The following SYNE2 variants were observed in gnomAD, a reference collection of about 807,000 sequenced individuals.
The protein encoded by SYNE2 is spectrin repeat containing nuclear envelope protein 2, also known as nesprin-2.
Under a neutral mutation model 856.3 loss-of-function variants are expected in SYNE2, and 431 were observed. The observed-to-expected ratio is 0.50, with a 90% CI of 0.47 to 0.55. The LOEUF (loss-of-function observed/expected upper bound fraction) is 0.55. Among genes scored for constraint, SYNE2 ranks in the 20% least tolerant of loss-of-function variants. The pLI is 0.00. For synonymous variants in SYNE2, 2,923 were observed against 2,872.3 expected (o/e 1.02, Z -0.56); for missense variants, 8,129 against 8,023.2 (o/e 1.01, Z -0.50).
rs371364597 is a variant in SYNE2 at position 64,036,558 on chromosome 14, G to A, written c.7221+5201G>A. Among the ~76,000 whole-genome samples the A allele has an allele frequency of 1.6e-4, 24 of 152,168 alleles. No homozygotes were observed. In the East Asian group the frequency reaches 4.1e-3, roughly 26 times the overall value. On this transcript the variant is annotated intron_variant, in intron 45 of 115. Transcript: ENST00000555002. ...CCCACCTTGGCCTCCTAAAATGCTG[G>A]GATTACAGGCATGAGCCACCACCCC...
chr14:64,189,801 A>G lies in SYNE2; in HGVS notation c.17872-270A>G, dbSNP rs530362914. 1.1e-4 allele frequency among the ~76,000 whole-genome samples: 16 copies of G among 152,128 alleles called. 1 individual carries two copies. The highest frequency in any genetic ancestry group is 3.4e-4 in the African/African-American group (14 of 41,490). On this transcript the variant is annotated intron_variant, in intron 98 of 115. Coordinates refer to ENST00000555002, the MANE Select transcript of SYNE2 (RefSeq NM_182914.3). ...GTCCTCCCACCTCAGCCACCTGAGT[A>G]GCTGGGACTACAGACATGTGCCAGC...
At chr14:64,055,819 TA>T in intron 48 of SYNE2, 124 bp from the exon 49 acceptor site, 1 of 549,710 alleles carries the variant, frequency 1.8e-6, no homozygotes, top group South Asian at 2.4e-5. Flanking sequence ...CCCTAAAACT[TA>T]AAGTATAATA....
chr14:64,213,040 C>T (rs756720401), intron 105 of SYNE2, 35 bp downstream of exon 105: 27 of 1,610,926 alleles, frequency 1.7e-5, no homozygotes, highest in Non-Finnish European at 2.2e-5. Context: ...GGCACCTGGG[C>T]TGCTCAGAGT....
At chr14:63,863,967 G>T (rs148044564) in intron 1 of SYNE2, among the ~76,000 whole-genome samples, 1 of 152,018 alleles carries the variant, frequency 6.6e-6, no homozygotes, top group Non-Finnish European at 1.5e-5. Context: ...GATTACAGGC[G>T]CACGGCACCA....
At chr14:63,773,582 A>C (rs902174779) in intron 1 of SYNE2, among the ~76,000 whole-genome samples, 2 of 152,124 alleles carry the variant, frequency 1.3e-5, no homozygotes, top group African/African-American at 4.8e-5. Context: ...TGGGGGTCTC[A>C]CTATGCTGCC....
chr14:63,849,926 C>T (rs1474636523), upstream of SYNE2, among the ~76,000 whole-genome samples: 1 of 152,268 alleles, frequency 6.6e-6, no homozygotes, highest in East Asian at 1.9e-4. Context: ...TGTACCAAGT[C>T]ACAGATGTGC....
intron 85 of SYNE2, among the ~76,000 whole-genome samples, chr14:64,154,467 T>C (rs369553940): frequency 6.6e-6 from 1 of 152,002 alleles, no homozygotes; most frequent in South Asian, 2.1e-4. Flanking sequence ...TTATCACAAC[T>C]TGATAATAAA....
chr14:64,169,190 T>C (rs993216479), intron 93 of SYNE2, among the ~76,000 whole-genome samples: 7 of 152,168 alleles, frequency 4.6e-5, no homozygotes, highest in African/African-American at 1.7e-4. Context: ...GTATGGTAGG[T>C]GGATGGGGTT....
chr14:64,019,888 T>G, intron 34 of SYNE2, 104 bp from the exon 35 acceptor site: 1 of 802,858 alleles, frequency 1.2e-6, no homozygotes, highest in Admixed American at 2.3e-5. Context: ...TATGGGAAAT[T>G]CAAGGGCTCT....
Position 64,215,286 on chromosome 14 carries a change from A to T in SYNE2, c.19334A>T (p.Asp6445Val), listed in dbSNP as rs746147186. ...EEGPYYSALSDVEIPENPEAY... is the reference protein window; with the variant it reads ...EEGPYYSALSVVEIPENPEAY... ...GGCAAATGACATTGTTCTTTTTCAG[A>T]TGTAGAAATCCCTGAAAATCCTGAG... The change falls in exon 107 of 116, where the codon GAT (aspartate) becomes GTT (valine). Residue 6445 changes from aspartate (D) to valine (V), a missense_variant and splice_region_variant. Physicochemically the swap from Asp to Val is radical, Grantham distance 152 (BLOSUM62 -3). This residue lies in a region of SYNE2 where 5,410 missense variants were observed against 5,284.8 expected (regional missense o/e 1.02). Coordinates refer to ENST00000555002, the MANE Select transcript of SYNE2 (RefSeq NM_182914.3). 1.9e-6 allele frequency: 3 copies of T among 1,614,074 alleles called. No homozygotes were observed. Among genetic ancestry groups the T allele is most frequent in the Non-Finnish European group, 8.5e-7 (1 of 1,179,942 alleles).
Position 64,051,747 on chromosome 14 carries a change from C to G in SYNE2, c.7834C>G (p.Gln2612Glu), listed in dbSNP as rs775130286. The change falls in exon 48 of 116, where the codon CAG becomes GAG. Residue 2612 changes from glutamine (Q) to glutamate (E), a missense_variant. Around this residue, in one of 3 missense-constraint regions of SYNE2, gnomAD observed 5,410 missense variants for 5,284.8 expected, o/e 1.02. Transcript: ENST00000555002. The stretch of plus-strand genomic sequence containing the variant: ...TGAACATGGTTGGGAACAAGTGGAA[C>G]AGCAGATTCAAAAGAAGTATTCTCA... ...QLEHGWEQVE[Q>E]QIQKKYSQQV... 1 of 1,614,174 alleles carries G rather than the reference C, an allele frequency of 6.2e-7. No homozygotes were observed.
intron 11 of SYNE2, among the ~76,000 whole-genome samples, chr14:63,972,785 T>G (rs2096489788): frequency 6.6e-6 from 1 of 152,200 alleles, no homozygotes; most frequent in African/African-American, 2.4e-5. Flanking sequence ...CAGGTTTGGT[T>G]TAATTCAAAA....
At chr14:63,778,530 C>T (rs1887191568) in intron 1 of SYNE2, among the ~76,000 whole-genome samples, 1 of 151,766 alleles carries the variant, frequency 6.6e-6, no homozygotes, top group Non-Finnish European at 1.5e-5. Context: ...TAAAATTTTT[C>T]CTGAGACCGG....
In SYNE2 at chr14:64,080,639, G is replaced by A. The variant is rs754708697; in HGVS notation, c.11346+1G>A. The A allele has an allele frequency of 3.1e-6, 5 of 1,613,966 alleles. No individual in the cohort carries two copies. In the South Asian group the frequency reaches 4.4e-5, roughly 14 times the overall value. ...GTGTAGAACCTCACAGTTGAATAAG[G>A]TATGGCTGTGACTCGTAATAGCTTC... On this transcript the variant is annotated splice_donor_variant, in intron 56 of 115. Coordinates refer to ENST00000555002, the MANE Select transcript of SYNE2 (RefSeq NM_182914.3). LOFTEE classifies it high-confidence loss of function.
At chr14:64,009,900 T>G in intron 31 of SYNE2, 66 bp from the exon 32 acceptor site, 2 of 1,430,002 alleles carry the variant, frequency 1.4e-6, no homozygotes, top group Non-Finnish European at 2.0e-6. Context: ...GTGGGATACT[T>G]GCAAAGAGAA....
chr14:64,139,811 A>G, intron 79 of SYNE2, 130 bp from the exon 80 acceptor site: 1 of 921,586 alleles, frequency 1.1e-6, no homozygotes, highest in South Asian at 1.3e-5. Context: ...TATTAACGTC[A>G]TGATATTCTG....
At chr14:64,077,640 T>TAC (rs2097476812) in intron 54 of SYNE2, among the ~76,000 whole-genome samples, 1 of 149,734 alleles carries the variant, frequency 6.7e-6, no homozygotes, top group Non-Finnish European at 1.5e-5. Flanking sequence ...TAGAGTTGTT[T>TAC]TTTTTTTTAA....
At position 64,174,676 on chromosome 14, in the gene SYNE2, C is replaced by T. The variant is rs1448869338; in HGVS notation, c.17236-268C>T. On this transcript the variant is annotated intron_variant, in intron 94 of 115. Transcript: ENST00000555002. The stretch of plus-strand genomic sequence containing the variant: ...CTATGATGTATATTTTTTTATTTCT[C>T]TGTGCTGCTAATCATTACACTGAGA... Among the ~76,000 whole-genome samples the T allele has an allele frequency of 2.0e-5, 3 of 152,126 alleles. No individual in the cohort carries two copies. The East Asian group carries it at 5.8e-4, about 29-fold the overall frequency.
intron 64 of SYNE2, among the ~76,000 whole-genome samples, chr14:64,105,684 G>A (rs2097766535): frequency 6.6e-6 from 1 of 152,088 alleles, no homozygotes; most frequent in Non-Finnish European, 1.5e-5. Flanking sequence ...CTTAACTTTG[G>A]TTAATCTTAA....
Sources: allele counts gnomAD v4.1 joint callset (sites outside exome capture counted in the v4.1 genomes callset), GRCh38; gene constraint gnomAD v4.1.1; regional missense constraint gnomAD v4.1.1; transcripts MANE v1.5; gene names NCBI Gene and HGNC (gene_info 2026-07-23, HGNC 2026-07-21).